NDST4: variants seen among roughly 807,000 people sequenced by gnomAD.
The protein encoded by NDST4 is N-heparan sulfate sulfotransferase 4.
Under a neutral mutation model 100.8 loss-of-function variants are expected in NDST4, and 63 were observed. The ratio of observed to expected loss-of-function variants is 0.62; its 90% CI spans 0.51 to 0.77. The LOEUF (loss-of-function observed/expected upper bound fraction) is 0.77. Among genes scored for constraint, NDST4 ranks in the 30% least tolerant of loss-of-function variants. The pLI, the probability that NDST4 is intolerant of heterozygous loss-of-function variation, is 0.00. For missense variants in NDST4, 943 were observed against 1,018.4 expected (o/e 0.93, Z 1.01); for synonymous variants, 377 against 361.8 (o/e 1.04, Z -0.48).
At position 114,997,148 on chromosome 4, in the gene NDST4, C is replaced by T. The variant is rs758054109; in HGVS notation, c.979-19874G>A. Among the ~76,000 whole-genome samples the T allele has an allele frequency of 5.3e-5, 8 of 152,096 alleles. No individual in the cohort carries two copies. In the East Asian group the frequency reaches 7.7e-4, roughly 15 times the overall value. The stretch of plus-strand genomic sequence containing the variant: ...GCCAATATGATTCATTTTCTAACTT[C>T]GGAGCTTTTGCTTATGTGGAGTATT... On this transcript the variant is annotated intron_variant, in intron 2 of 13. Transcript: ENST00000264363.
At chr4:114,881,721 G>A (rs10013031) in intron 6 of NDST4, among the ~76,000 whole-genome samples, 13,617 of 152,000 alleles carry the variant, frequency 0.09, 1,785 homozygotes, top group African/African-American at 0.29. Context: ...AAAGTGCAGT[G>A]GCATAAGAGA....
At chr4:114,828,502 A>T (rs1723128353) in intron 13 of NDST4, among the ~76,000 whole-genome samples, 1 of 152,086 alleles carries the variant, frequency 6.6e-6, no homozygotes, top group Admixed American at 6.5e-5. Flanking sequence ...CTGAAGCCTG[A>T]TCCTTTTTGC....
At chr4:114,988,352 CTTTTT>C (rs991019823) in intron 2 of NDST4, among the ~76,000 whole-genome samples, 31 of 64,196 alleles carry the variant, frequency 4.8e-4, no homozygotes, top group South Asian at 2.0e-3. Flanking sequence ...ATACACATAT[CTTTTT>C]TTTTTTTTTT....
chr4:114,879,190 C>T (rs990141178), intron 6 of NDST4, among the ~76,000 whole-genome samples: 5 of 152,114 alleles, frequency 3.3e-5, no homozygotes, highest in Admixed American at 2.6e-4. Context: ...TTAAAATCTT[C>T]TTTTAGCTAC....
chr4:115,034,860 C>T (rs574179576), intron 2 of NDST4, among the ~76,000 whole-genome samples: 8 of 152,202 alleles, frequency 5.3e-5, no homozygotes, highest in East Asian at 3.9e-4. Context: ...AAGGATTTAT[C>T]GTCAGCCTCG....
chr4:114,901,563 G>C (rs1358285803), intron 6 of NDST4, among the ~76,000 whole-genome samples: 1 of 151,714 alleles, frequency 6.6e-6, no homozygotes, highest in East Asian at 1.9e-4. Context: ...TATAGTTGGG[G>C]CTTGTTTTTT....
intron 6 of NDST4, among the ~76,000 whole-genome samples, chr4:114,921,092 C>T (rs1379526914): frequency 1.3e-5 from 2 of 152,090 alleles, no homozygotes; most frequent in East Asian, 3.9e-4. Flanking sequence ...CTTAGTGTTT[C>T]CAAAAATGTG....
chr4:115,068,815 C>CAAAAAA (rs34003720), intron 2 of NDST4, among the ~76,000 whole-genome samples: 4 of 77,612 alleles, frequency 5.2e-5, no homozygotes, highest in African/African-American at 1.2e-4. Context: ...GGCTCCATCT[C>CAAAAAA]AAAAAAAAAA....
intron 2 of NDST4, among the ~76,000 whole-genome samples, chr4:114,982,644 A>T (rs542714746): frequency 2.0e-5 from 3 of 152,202 alleles, no homozygotes; most frequent in Admixed American, 2.0e-4. Context: ...CAGCCTGACC[A>T]TATGGTAGAA....
chr4:115,032,573 C>A (rs541553774), intron 2 of NDST4, among the ~76,000 whole-genome samples: 1 of 152,102 alleles, frequency 6.6e-6, no homozygotes, highest in South Asian at 2.1e-4. Flanking sequence ...CTTTGCACTG[C>A]CTGCCTCAAA....
intron 4 of NDST4, among the ~76,000 whole-genome samples, chr4:114,944,374 C>A (rs1374538472): frequency 1.3e-5 from 2 of 152,190 alleles, no homozygotes; most frequent in African/African-American, 4.8e-5. Context: ...TCACATATAA[C>A]TCTCTCCATC....
intron 2 of NDST4, among the ~76,000 whole-genome samples, chr4:114,984,526 G>A (rs997930040): frequency 1.3e-5 from 2 of 152,048 alleles, no homozygotes; most frequent in Non-Finnish European, 2.9e-5. Flanking sequence ...GATAGTGTTT[G>A]TTTTATATGG....
At chr4:115,099,236 A>T (rs1729681243) in intron 1 of NDST4, among the ~76,000 whole-genome samples, 1 of 152,198 alleles carries the variant, frequency 6.6e-6, no homozygotes, top group South Asian at 2.1e-4. Flanking sequence ...AGAAGATCAT[A>T]TAGGAGAAGA....
chr4:114,871,361 C>T (rs936342712), intron 6 of NDST4, among the ~76,000 whole-genome samples: 3 of 152,000 alleles, frequency 2.0e-5, no homozygotes, highest in African/African-American at 4.8e-5. Context: ...TTCAAGAAAA[C>T]GTGTTTCTTT....
chr4:115,018,466 A>G (rs1485908766), intron 2 of NDST4, among the ~76,000 whole-genome samples: 2 of 151,968 alleles, frequency 1.3e-5, no homozygotes, highest in Non-Finnish European at 2.9e-5. Flanking sequence ...TTTGCAAACA[A>G]TCTTACCTCT....
intron 1 of NDST4, among the ~76,000 whole-genome samples, chr4:115,108,481 T>C (rs1490720253): frequency 6.6e-6 from 1 of 151,974 alleles, no homozygotes; most frequent in Non-Finnish European, 1.5e-5. Flanking sequence ...TTGGGTTGCT[T>C]ATGAATGTTA....
intron 4 of NDST4, among the ~76,000 whole-genome samples, chr4:114,940,083 A>G (rs574305435): frequency 8.8e-4 from 134 of 152,360 alleles, no homozygotes; most frequent in Non-Finnish European, 1.4e-3. Context: ...CAATGTAAAT[A>G]TAGGAAGCAC....
chr4:115,091,458 T>C (rs1392389588), intron 1 of NDST4, among the ~76,000 whole-genome samples: 1 of 152,112 alleles, frequency 6.6e-6, no homozygotes, highest in Non-Finnish European at 1.5e-5. Flanking sequence ...TTTCTCCATC[T>C]ACTCTTCTTC....
At chr4:114,909,474 C>A (rs1578381864) in intron 6 of NDST4, among the ~76,000 whole-genome samples, 3 of 150,896 alleles carry the variant, frequency 2.0e-5, no homozygotes, top group South Asian at 2.1e-4. Context: ...TCCTGGCTAA[C>A]AAGGTGAAAC....
Sources: gnomAD v4.1 joint callset for allele counts (sites outside exome capture counted in the v4.1 genomes callset) on GRCh38, gnomAD v4.1.1 for gene constraint, MANE v1.5 for transcripts, NCBI Gene and HGNC (gene_info 2026-07-23, HGNC 2026-07-21) for gene names.